Variants in MLLT6 observed in about 807,000 individuals in gnomAD.
The protein encoded by MLLT6 is MLLT6, PHD finger containing, also known as protein AF-17.
MLLT6 carries 22 observed loss-of-function variants against 103.0 expected under a neutral mutation model. The ratio of observed to expected loss-of-function variants is 0.21; its 90% CI spans 0.15 to 0.31. MLLT6 has a LOEUF of 0.31. Ranked by LOEUF, MLLT6 falls within the 10% of genes least tolerant of loss-of-function variation. The pLI, the probability that MLLT6 is intolerant of heterozygous loss-of-function variation, is 1.00. For missense variants in MLLT6, 1,199 were observed against 1,441.7 expected (o/e 0.83, Z 2.73); for synonymous variants, 606 against 623.5 (o/e 0.97, Z 0.42).
Position 38,715,869 on chromosome 17 carries a change from G to T in MLLT6, c.1036+41G>T. ...CGGGAGGAAGCTGGGAGCAGGGAAA[G>T]CCTTTTGTCCTGAGCTTTTCTGGCA... On this transcript the variant is annotated intron_variant, in intron 9 of 19. Coordinates refer to ENST00000621332, the MANE Select transcript of MLLT6 (RefSeq NM_005937.4). The T allele has an allele frequency of 2.6e-6, 4 of 1,533,200 alleles. No homozygotes were observed. The South Asian group carries it at 4.8e-5, about 18-fold the overall frequency. The allele number at this position is 1,533,200 out of a possible 1,614,324, so 95.0% of individuals were successfully genotyped here.
Position 38,726,289 on chromosome 17 carries a change from T to C in MLLT6, c.*691T>C, listed in dbSNP as rs1427368922. On this transcript the variant is annotated 3_prime_UTR_variant, in exon 20 of 20. Transcript: ENST00000621332. ...TGGCCTTCCTTGGTGCCCCGCCCTT[T>C]GTTTGCACTATTGGACTTAGGAGTG... The C allele has an allele frequency of 4.3e-6, 1 of 234,050 alleles. No homozygotes were observed. Among genetic ancestry groups the C allele is most frequent in the East Asian group, 6.0e-5 (1 of 16,592 alleles). 14.5% of individuals were successfully genotyped at this position (234,050 alleles called of 1,614,324 possible).
chr17:38,716,084 G>T lies in MLLT6; in HGVS notation c.1036+256G>T. On this transcript the variant is annotated intron_variant, in intron 9 of 19. Transcript: ENST00000621332. This position sits in a 1 kb window ranked among gnomAD's most constrained non-coding sequence, Gnocchi z 5.6. Reference sequence around the variant, plus strand: ...CTTATCCCCTACATTTGTGCTGCAAGGTACAATTTTTCAAGAACCCCCATT... The same window carrying T: ...CTTATCCCCTACATTTGTGCTGCAATGTACAATTTTTCAAGAACCCCCATT... 1.7e-6 allele frequency: 1 copy of T among 599,952 alleles called. No homozygotes were observed. The highest frequency in any genetic ancestry group is 2.9e-6 in the Non-Finnish European group (1 of 342,060). The allele number at this position is 599,952 out of a possible 1,614,324, so 37.2% of individuals were successfully genotyped here.
Position 38,724,543 on chromosome 17 carries a change from G to T in MLLT6, c.2884-77G>T. 8.5e-7 allele frequency: 1 copy of T among 1,173,224 alleles called. No individual in the cohort carries two copies. Among genetic ancestry groups the T allele is most frequent in the Non-Finnish European group, 1.2e-6 (1 of 833,846 alleles). 72.7% of individuals were successfully genotyped at this position (1,173,224 alleles called of 1,614,324 possible). On this transcript the variant is annotated intron_variant, in intron 18 of 19. Coordinates refer to ENST00000621332, the MANE Select transcript of MLLT6 (RefSeq NM_005937.4). This position sits in a 1 kb window ranked among gnomAD's most constrained non-coding sequence, Gnocchi z 5.4. ...ATTCCAGTGTGATGGGGTGGGGCCT[G>T]GCCAGGCAGGGCAGGCAGGCAGCAG... is the stretch of plus-strand genomic sequence containing the variant.
chr17:38,712,109 C>T, intron 7 of MLLT6, 95 bp downstream of exon 7: 5 of 1,398,768 alleles, frequency 3.6e-6, no homozygotes, highest in Non-Finnish European at 4.7e-6. Context: ...CCCTTAAGGT[C>T]TTGGCCCTGC....
In MLLT6 at chr17:38,705,386, G is replaced by A. The variant is rs1904853737; in HGVS notation, c.-247G>A. Among the ~76,000 whole-genome samples, 1 of 150,874 alleles carries A rather than the reference G, an allele frequency of 6.6e-6. No homozygotes were observed. Among genetic ancestry groups the A allele is most frequent in the African/African-American group, 2.4e-5 (1 of 41,294 alleles). On this transcript the variant is annotated 5_prime_UTR_variant, in exon 1 of 20. Transcript: ENST00000621332. ...CGGCGTGCGAGTCTCATTGTTGTGG[G>A]GGGGGCCCGTCGGGGCATGAGGGCG... is the stretch of plus-strand genomic sequence containing the variant.
chr17:38,716,575 C>T lies in MLLT6; in HGVS notation c.1245C>T (p.Ser415=). 6.2e-7 allele frequency: 1 copy of T among 1,614,098 alleles called. No individual in the cohort carries two copies. The highest frequency in any genetic ancestry group is 8.5e-7 in the Non-Finnish European group (1 of 1,180,036). The change falls in exon 10 of 20, where the codon AGC becomes AGT. Residue 415 remains serine, a synonymous_variant. Coordinates refer to ENST00000621332, the MANE Select transcript of MLLT6 (RefSeq NM_005937.4). The surrounding 1 kb of genome is among the most constrained non-coding windows in gnomAD (Gnocchi z 5.6). ...PIMRFSTTTS[S]SGRARAPSPG... ...TGCGCTTCTCCACCACCACCTCCAG[C>T]TCAGGCCGGGCCCGGGCGCCCTCCC...
intron 6 of MLLT6, among the ~76,000 whole-genome samples, chr17:38,711,082 C>T (rs1905127478): frequency 1.3e-5 from 2 of 152,156 alleles, no homozygotes; most frequent in African/African-American, 4.8e-5. Flanking sequence ...GTGTCCAACA[C>T]TGGGGAGCTG....
intron 19 of MLLT6, 133 bp downstream of exon 19, chr17:38,725,109 C>A (rs1237262587): frequency 7.6e-6 from 5 of 659,986 alleles, no homozygotes; most frequent in Admixed American, 6.2e-5. Context: ...TACCCTGCCT[C>A]AGACCCCAGG....
chr17:38,709,529 A>G lies in MLLT6; in HGVS notation c.506A>G (p.Asp169Gly). ...TGTGAGGAAGAAGTGCTGGAGGTGGACAACGTCAAGTACTGCGGCTACTGC... is the reference window on the plus strand; with the variant it reads ...TGTGAGGAAGAAGTGCTGGAGGTGGGCAACGTCAAGTACTGCGGCTACTGC... ...LLCEEEVLEV[D>G]NVKYCGYCKY... is the part of the protein sequence containing the mutation. Residue 169 changes from aspartate to glycine, a missense_variant, in exon 6 of 20, where the codon GAC becomes GGC. Asp to Gly is a moderately conservative substitution (Grantham distance 94). This residue lies in a region of MLLT6 where 59 missense variants were observed against 135.1 expected (regional missense o/e 0.44). Coordinates refer to ENST00000621332, the MANE Select transcript of MLLT6 (RefSeq NM_005937.4). This position sits in a 1 kb window ranked among gnomAD's most constrained non-coding sequence, Gnocchi z 4.3. The G allele has an allele frequency of 6.2e-7, 1 of 1,614,250 alleles. No individual in the cohort carries two copies. The highest frequency in any genetic ancestry group is 8.5e-7 in the Non-Finnish European group (1 of 1,180,040).
intron 13 of MLLT6, 22 bp from the exon 14 acceptor site, chr17:38,719,728 C>A: frequency 6.2e-7 from 1 of 1,601,930 alleles, no homozygotes; most frequent in Non-Finnish European, 8.5e-7. Flanking sequence ...GTCGACTGAA[C>A]CCAGGTTCCC....
intron 10 of MLLT6, 50 bp from the exon 11 acceptor site, chr17:38,717,382 G>T: frequency 1.4e-6 from 2 of 1,460,472 alleles, no homozygotes; most frequent in Non-Finnish European, 9.3e-7. Flanking sequence ...CTGAGCAGGA[G>T]TCTGGGGTGG....
Position 38,722,777 on chromosome 17 carries a change from C to G in MLLT6, c.2883+9C>G. 6.2e-7 allele frequency: 1 copy of G among 1,602,196 alleles called. No individual in the cohort carries two copies. The highest frequency in any genetic ancestry group is 2.2e-5 in the East Asian group (1 of 44,778). ...CCCCGCAGCTGACCCCGGTAATGCC[C>G]CTCCCTTCCCTGCCTCAGGTGCCCC... is the stretch of plus-strand genomic sequence containing the variant. On this transcript the variant is annotated intron_variant, in intron 18 of 19. Coordinates refer to ENST00000621332, the MANE Select transcript of MLLT6 (RefSeq NM_005937.4).
chr17:38,708,790 G>A (rs1168649795), intron 4 of MLLT6, among the ~76,000 whole-genome samples: 1 of 152,208 alleles, frequency 6.6e-6, no homozygotes, highest in African/African-American at 2.4e-5. Flanking sequence ...AGCTACTCGG[G>A]AGGTTGAGGC....
At chr17:38,715,155 A>G (rs1905281927) in intron 8 of MLLT6, among the ~76,000 whole-genome samples, 1 of 152,136 alleles carries the variant, frequency 6.6e-6, no homozygotes, top group South Asian at 2.1e-4. Context: ...AGGGGGCCGA[A>G]GTTTGGGGTA....
At position 38,719,760 on chromosome 17, in the gene MLLT6, A is replaced by T; in HGVS notation, c.2020A>T (p.Ser674Cys). Residue 674 changes from serine to cysteine, a missense_variant, in exon 14 of 20, where the codon AGC (serine) becomes TGC (cysteine). Coordinates refer to ENST00000621332, the MANE Select transcript of MLLT6 (RefSeq NM_005937.4). ...QESLSSMSPI[S>C]SLPALFDQTA... is the part of the protein sequence containing the mutation. ...TCCCTCTGGCCGCAGGTCCCCCATCAGCAGCCTCCCCGCACTCTTCGACCA... is the reference window on the plus strand; with the variant it reads ...TCCCTCTGGCCGCAGGTCCCCCATCTGCAGCCTCCCCGCACTCTTCGACCA... 1 of 1,609,906 alleles carries T rather than the reference A, an allele frequency of 6.2e-7. No homozygotes were observed. Among genetic ancestry groups the T allele is most frequent in the Non-Finnish European group, 8.5e-7 (1 of 1,177,430 alleles).
At chr17:38,706,887 G>A in intron 1 of MLLT6, 63 bp from the exon 2 acceptor site, 1 of 1,452,778 alleles carries the variant, frequency 6.9e-7, no homozygotes, top group African/African-American at 1.4e-5. Flanking sequence ...CCTTCCCCCA[G>A]TTACCCTGGG....
In MLLT6 at chr17:38,716,102, C is replaced by G; in HGVS notation, c.1037-265C>G. On this transcript the variant is annotated intron_variant, in intron 9 of 19. Transcript: ENST00000621332. This position sits in a 1 kb window ranked among gnomAD's most constrained non-coding sequence, Gnocchi z 5.6. ...GCTGCAAGGTACAATTTTTCAAGAACCCCCATTAACATTTTCTCCTATAAT... is the reference window on the plus strand; with the variant it reads ...GCTGCAAGGTACAATTTTTCAAGAAGCCCCATTAACATTTTCTCCTATAAT... The G allele has an allele frequency of 1.7e-6, 1 of 598,108 alleles. No homozygotes were observed. Among genetic ancestry groups the G allele is most frequent in the Non-Finnish European group, 2.9e-6 (1 of 340,766 alleles). 37.1% of individuals were successfully genotyped at this position (598,108 alleles called of 1,614,324 possible).
chr17:38,720,725 A>G lies in MLLT6; in HGVS notation c.2420A>G (p.Asn807Ser), dbSNP rs1483240001. The G allele has an allele frequency of 4.3e-6, 7 of 1,613,578 alleles. No individual in the cohort carries two copies. The highest frequency in any genetic ancestry group is 2.7e-5 in the African/African-American group (2 of 74,880). ...GGAAAGAGCAGCCTCGGCCTGGACA[A>G]CTCGCTGTCCACTTCTTCTGAGGTG... ...PPGKSSLGLD[N>S]SLSTSSEDPH... Residue 807 changes from asparagine (N) to serine (S), a missense_variant, in exon 16 of 20, where the codon AAC becomes AGC. Asn to Ser is a conservative substitution (Grantham distance 46, BLOSUM62 1). This residue lies in a region of MLLT6 where 1,034 missense variants were observed against 1,091.5 expected (regional missense o/e 0.95). Coordinates refer to ENST00000621332, the MANE Select transcript of MLLT6 (RefSeq NM_005937.4).
Position 38,726,144 on chromosome 17 carries a change from G to A in MLLT6, c.*546G>A. On this transcript the variant is annotated 3_prime_UTR_variant, in exon 20 of 20. Transcript: ENST00000621332. ...CAGCGCAGGGGCACAAGCTGAGCTT[G>A]TAAAAGCCCACAGATGTTGGGGGCT... 1 of 234,038 alleles carries A rather than the reference G, an allele frequency of 4.3e-6. No individual in the cohort carries two copies. The highest frequency in any genetic ancestry group is 8.5e-6 in the Non-Finnish European group (1 of 118,326). The allele number at this position is 234,038 out of a possible 1,614,324, so 14.5% of individuals were successfully genotyped here.
Sources: gnomAD v4.1 joint callset for allele counts (sites outside exome capture counted in the v4.1 genomes callset) on GRCh38, gnomAD v4.1.1 for gene constraint, gnomAD v4.1.1 regional missense constraint, Gnocchi (gnomAD v3.1) non-coding constraint, MANE v1.5 for transcripts, NCBI Gene and HGNC (gene_info 2026-07-23, HGNC 2026-07-21) for gene names.